TRPM3: variants seen among roughly 807,000 people sequenced by gnomAD.
TRPM3 encodes the protein long transient receptor potential channel 3.
TRPM3 carries 77 observed loss-of-function variants against 181.2 expected under a neutral mutation model. The observed-to-expected ratio is 0.42, with a 90% CI of 0.35 to 0.51. The LOEUF is 0.51. Ranked by LOEUF, TRPM3 falls within the 20% of genes least tolerant of loss-of-function variation. The probability of loss-of-function intolerance (pLI) is 0.01; values close to 1 mark genes in which losing one functional copy is unlikely to be tolerated. For missense variants in TRPM3, 1,759 were observed against 2,196.7 expected (o/e 0.80, Z 3.98); for synonymous variants, 745 against 796.4 (o/e 0.94, Z 1.09).
At chr9:70,965,761 T>C (rs1425242503) in intron 1 of TRPM3, among the ~76,000 whole-genome samples, 1 of 152,074 alleles carries the variant, frequency 6.6e-6, no homozygotes, top group Non-Finnish European at 1.5e-5. Context: ...TCTTTTTTCA[T>C]TGTATCTCTG....
chr9:71,198,925 G>A (rs1406596925), intron 1 of TRPM3, among the ~76,000 whole-genome samples: 1 of 117,644 alleles, frequency 8.5e-6, no homozygotes. Flanking sequence ...TAGGAGTGGT[G>A]AGAGAGGGCA....
At chr9:71,325,358 C>T (rs2089594898) in intron 1 of TRPM3, among the ~76,000 whole-genome samples, 2 of 152,108 alleles carry the variant, frequency 1.3e-5, no homozygotes, top group South Asian at 4.1e-4. Context: ...ACTTATCATA[C>T]ATCACCTTTG....
At chr9:70,957,266 CATTTT>C (rs553547806) in intron 1 of TRPM3, among the ~76,000 whole-genome samples, 75 of 152,152 alleles carry the variant, frequency 4.9e-4, no homozygotes, top group African/African-American at 1.7e-3. Flanking sequence ...GCCTGGCCAA[CATTTT>C]ATTTTTAAAG....
rs113701331 is a variant in TRPM3, at chr9:70,625,419, T to TA, written c.1668+62dup. On this transcript the variant is annotated intron_variant, in intron 13 of 25. Coordinates refer to ENST00000677713, the MANE Select transcript of TRPM3 (RefSeq NM_001366145.2). The surrounding 1 kb of genome is among the most constrained non-coding windows in gnomAD (Gnocchi z 4.8). ...TACTTCACGTATTCTGTAACTAGAG[T>TA]AAAAAAAAAATAATGAAAAAAGAAA... 157,297 of 1,298,898 alleles carry TA rather than the reference T, an allele frequency of 0.12. 3,888 individuals carry two copies. Among genetic ancestry groups the TA allele is most frequent in the East Asian group, 0.25 (9,994 of 39,436 alleles). The allele number at this position is 1,298,898 out of a possible 1,614,324, so 80.5% of individuals were successfully genotyped here. A position where few individuals can be genotyped will look rare whatever the true frequency, so the allele number is the denominator to read the frequency against.
At chr9:70,925,884 A>G (rs2096716344) in intron 1 of TRPM3, among the ~76,000 whole-genome samples, 1 of 152,004 alleles carries the variant, frequency 6.6e-6, no homozygotes, top group South Asian at 2.1e-4. Flanking sequence ...CAATGAGAAA[A>G]CAAGGCCAAT....
At chr9:70,595,800 A>C (rs2058915363) in intron 21 of TRPM3, among the ~76,000 whole-genome samples, 2 of 152,238 alleles carry the variant, frequency 1.3e-5, no homozygotes, top group Non-Finnish European at 1.5e-5. Flanking sequence ...AGTGCAAAGA[A>C]GATGATATAA....
chr9:71,373,183 G>C (rs904163837), intron 1 of TRPM3, among the ~76,000 whole-genome samples: 1 of 151,916 alleles, frequency 6.6e-6, no homozygotes. Flanking sequence ...AACGATCTCA[G>C]TTAACAATCT....
chr9:70,919,531 C>T (rs2096633489), intron 1 of TRPM3, among the ~76,000 whole-genome samples: 1 of 152,170 alleles, frequency 6.6e-6, no homozygotes, highest in African/African-American at 2.4e-5. Context: ...CACCTGTAAT[C>T]CCAGCACTTT....
At chr9:70,816,234 C>A (rs2092678714) in intron 6 of TRPM3, among the ~76,000 whole-genome samples, 1 of 152,206 alleles carries the variant, frequency 6.6e-6, no homozygotes, top group African/African-American at 2.4e-5. Context: ...CATCAGCAAA[C>A]ACATCCAATT....
intron 12 of TRPM3, among the ~76,000 whole-genome samples, chr9:70,626,149 A>G (rs939487991): frequency 3.3e-5 from 5 of 152,196 alleles, no homozygotes; most frequent in African/African-American, 1.2e-4. Context: ...CAAAAATAGT[A>G]AAGATTTTCT....
chr9:71,276,246 A>G (rs1400295211), intron 1 of TRPM3, among the ~76,000 whole-genome samples: 1 of 152,220 alleles, frequency 6.6e-6, no homozygotes, highest in Non-Finnish European at 1.5e-5. Flanking sequence ...TGATGAATGA[A>G]GCACACATAT....
At chr9:70,784,558 C>T (rs2083177998) in intron 6 of TRPM3, among the ~76,000 whole-genome samples, 1 of 151,976 alleles carries the variant, frequency 6.6e-6, no homozygotes, top group Non-Finnish European at 1.5e-5. Flanking sequence ...AGGGGAGGGC[C>T]TGGGGTGAGG....
intron 1 of TRPM3, among the ~76,000 whole-genome samples, chr9:70,939,782 C>T (rs1564807207): frequency 2.0e-5 from 3 of 152,128 alleles, no homozygotes; most frequent in Non-Finnish European, 2.9e-5. Flanking sequence ...CTGGGGAAGT[C>T]GCTTCTACTT....
chr9:71,326,169 T>C (rs1820155181), intron 1 of TRPM3, among the ~76,000 whole-genome samples: 1 of 152,162 alleles, frequency 6.6e-6, no homozygotes, highest in Admixed American at 6.5e-5. Flanking sequence ...AGAACATATG[T>C]AGTTATTGAA....
At chr9:71,196,288 T>C (rs991352377) in intron 1 of TRPM3, among the ~76,000 whole-genome samples, 14 of 120,120 alleles carry the variant, frequency 1.2e-4, no homozygotes, top group African/African-American at 3.4e-4. Context: ...AATTTATTTC[T>C]GATAGTATTG....
At chr9:70,754,806 G>A (rs190044785) in intron 8 of TRPM3, among the ~76,000 whole-genome samples, 3 of 152,236 alleles carry the variant, frequency 2.0e-5, no homozygotes, top group Admixed American at 2.0e-4. Context: ...ACTCTATGAC[G>A]ATGCAATGCC....
At chr9:71,080,868 G>A (rs2064202792) in intron 1 of TRPM3, among the ~76,000 whole-genome samples, 1 of 152,182 alleles carries the variant, frequency 6.6e-6, no homozygotes, top group Non-Finnish European at 1.5e-5. Context: ...TTATGTAGTA[G>A]GTCTTGTGTG....
chr9:70,907,823 G>A (rs971364886), intron 1 of TRPM3, among the ~76,000 whole-genome samples: 1 of 152,112 alleles, frequency 6.6e-6, no homozygotes, highest in Admixed American at 6.6e-5. Flanking sequence ...TTCTGTTTCT[G>A]CATTAATTCA....
intron 1 of TRPM3, among the ~76,000 whole-genome samples, chr9:70,886,197 A>C (rs921695603): frequency 2.6e-5 from 4 of 152,202 alleles, no homozygotes; most frequent in African/African-American, 7.2e-5. Flanking sequence ...AAAAAAAGCC[A>C]CTTTCCAAAT....
Sources: allele counts gnomAD v4.1 joint callset (sites outside exome capture counted in the v4.1 genomes callset), GRCh38; gene constraint gnomAD v4.1.1; non-coding constraint Gnocchi (gnomAD v3.1); transcripts MANE v1.5; gene names NCBI Gene and HGNC (gene_info 2026-07-23, HGNC 2026-07-21).